Variants in SEC31A observed in about 807,000 individuals in gnomAD.
SEC31A encodes the protein SEC31 homolog A, COPII component, also known as protein transport protein Sec31A.
In SEC31A, 70 loss-of-function variants were observed where a neutral mutation model predicts 151.0. The ratio of observed to expected loss-of-function variants is 0.46; its 90% confidence interval spans 0.38 to 0.57. The LOEUF is 0.57. SEC31A is among the 20% of genes least tolerant of loss of function. The probability of loss-of-function intolerance (pLI) is 0.00; values close to 1 mark genes in which losing one functional copy is unlikely to be tolerated. For missense variants in SEC31A, 1,330 were observed against 1,471.2 expected (o/e 0.90, Z 1.57); for synonymous variants, 475 against 505.9 (o/e 0.94, Z 0.82).
chr4:82,837,371 T>C (rs1727645455), intron 22 of SEC31A, among the ~76,000 whole-genome samples: 1 of 151,796 alleles, frequency 6.6e-6, no homozygotes, highest in African/African-American at 2.4e-5. Flanking sequence ...TTTAAAAACT[T>C]CCTACAGTGA....
intron 1 of SEC31A, among the ~76,000 whole-genome samples, chr4:82,888,729 T>G (rs1472845169): frequency 6.6e-6 from 1 of 152,158 alleles, no homozygotes; most frequent in Non-Finnish European, 1.5e-5. Flanking sequence ...TGAGGAAAAT[T>G]TATATTCTAG....
chr4:82,848,833 T>C lies in SEC31A; in HGVS notation c.2473A>G (p.Arg825Gly). Residue 825 changes from arginine (R) to glycine (G), a missense_variant, in exon 20 of 27, where the codon AGA (arginine) becomes GGA (glycine). Transcript: ENST00000395310. ...GGATAATATTGTTGAGTTTGAACTC[T>C]TGGCATCTGGTGGTGGCCAGCAACT... ...GPVAGHHQMP[R>G]VQTQQYYPHG... 2.5e-6 allele frequency: 4 copies of C among 1,613,954 alleles called. No homozygotes were observed. Among genetic ancestry groups the C allele is most frequent in the African/African-American group, 1.3e-5 (1 of 75,028 alleles).
chr4:82,846,346 T>C (rs1730174180), intron 20 of SEC31A, among the ~76,000 whole-genome samples: 1 of 137,740 alleles, frequency 7.3e-6, no homozygotes, highest in Non-Finnish European at 1.5e-5. Flanking sequence ...GTCAAGTAAA[T>C]CTTTGCAGAA....
chr4:82,862,507 G>A, intron 13 of SEC31A, 27 bp downstream of exon 13: 1 of 1,595,362 alleles, frequency 6.3e-7, no homozygotes, highest in East Asian at 2.2e-5. Flanking sequence ...AGTTTTAGAA[G>A]GTAGCTATTT....
intron 25 of SEC31A, among the ~76,000 whole-genome samples, chr4:82,823,346 C>G (rs1199810738): frequency 6.6e-6 from 1 of 152,182 alleles, no homozygotes; most frequent in Admixed American, 6.5e-5. Flanking sequence ...TAAGGGCTAG[C>G]ATGTATCTGG....
At chr4:82,892,770 A>G (rs1238602069), upstream of SEC31A, among the ~76,000 whole-genome samples, 1 of 152,200 alleles carries the variant, frequency 6.6e-6, no homozygotes, top group East Asian at 1.9e-4. Context: ...TGGACTAAAG[A>G]GCTAGCAGCA....
rs998858412 is a variant in SEC31A, at chr4:82,861,662, C to G, written c.1595G>C (p.Ser532Thr). The change falls in exon 14 of 27, where the codon AGC becomes ACC. Residue 532 changes from serine to threonine, a missense_variant. Transcript: ENST00000395310. ...CAAGAGCTGCTCTTCAGCAGCAGGG[C>G]TCTCCTCCCCATCACTCTGTGCTAC... ...DQVAQSDGEE[S>T]PAAEEQLLGE... The G allele has an allele frequency of 3.1e-6, 5 of 1,611,012 alleles. No individual in the cohort carries two copies. The highest frequency in any genetic ancestry group is 4.2e-6 in the Non-Finnish European group (5 of 1,177,978).
At chr4:82,896,099 A>C (rs138367300), upstream of SEC31A, among the ~76,000 whole-genome samples, 130 of 152,382 alleles carry the variant, frequency 8.5e-4, 1 homozygote, top group Middle Eastern at 3.4e-3. Context: ...GACTTTGTTA[A>C]CCTGCTATAC....
intron 16 of SEC31A, among the ~76,000 whole-genome samples, chr4:82,855,454 G>C (rs1336880315): frequency 6.6e-6 from 1 of 152,206 alleles, no homozygotes; most frequent in Non-Finnish European, 1.5e-5. Context: ...ATGAGTGAGG[G>C]AGGAACTACA....
intron 25 of SEC31A, among the ~76,000 whole-genome samples, chr4:82,822,235 A>T: frequency 6.6e-6 from 1 of 152,204 alleles, no homozygotes; most frequent in Non-Finnish European, 1.5e-5. Flanking sequence ...GTGAGAAAAG[A>T]TACTAAATGA....
At chr4:82,839,079 C>T (rs1283906531) in intron 22 of SEC31A, among the ~76,000 whole-genome samples, 2 of 152,070 alleles carry the variant, frequency 1.3e-5, no homozygotes, top group African/African-American at 4.8e-5. Flanking sequence ...GGAGTTCAAG[C>T]GATTCTCCTG....
chr4:82,888,386 A>ATATATATATATATGCGTATATATACGCG (rs1553938450), intron 1 of SEC31A, among the ~76,000 whole-genome samples: 6 of 39,358 alleles, frequency 1.5e-4, no homozygotes, highest in East Asian at 1.0e-3. Context: ...CACAAAAAAC[A>ATATATATATATATGCGTATATATACGCG]TATATATATA....
chr4:82,888,385 CAT>C (rs773097915), intron 1 of SEC31A, among the ~76,000 whole-genome samples: 1 of 122,438 alleles, frequency 8.2e-6, no homozygotes. Context: ...ACACAAAAAA[CAT>C]ATATATATAT....
At chr4:82,846,698 C>T (rs1730296516) in intron 20 of SEC31A, among the ~76,000 whole-genome samples, 1 of 121,514 alleles carries the variant, frequency 8.2e-6, no homozygotes, top group Non-Finnish European at 2.0e-5. Flanking sequence ...TTTTTTCTAG[C>T]TTACTTCATT....
At chr4:82,828,861 T>C in intron 23 of SEC31A, 139 bp downstream of exon 23, 2 of 580,376 alleles carry the variant, frequency 3.4e-6, no homozygotes, top group Non-Finnish European at 6.3e-6. Context: ...GATTAGAAGG[T>C]GCATGTTGAA....
chr4:82,835,310 G>A (rs10021415), intron 22 of SEC31A, among the ~76,000 whole-genome samples: 68,963 of 151,930 alleles, frequency 0.45, 18,226 homozygotes, highest in Admixed American at 0.6. Context: ...CTTGGTCAAC[G>A]CTTAAAAAAA....
intron 19 of SEC31A, among the ~76,000 whole-genome samples, chr4:82,850,153 G>C (rs1346577327): frequency 6.6e-6 from 1 of 151,708 alleles, no homozygotes; most frequent in East Asian, 1.9e-4. Flanking sequence ...ATAGAAAATG[G>C]ATGTGCTTAT....
intron 20 of SEC31A, among the ~76,000 whole-genome samples, chr4:82,846,193 C>T (rs946356270): frequency 3.3e-5 from 5 of 151,532 alleles, no homozygotes; most frequent in South Asian, 4.2e-4. Flanking sequence ...TTAGTAGAGA[C>T]GGGGTTTCAC....
intron 23 of SEC31A, among the ~76,000 whole-genome samples, chr4:82,827,945 C>A (rs548859635): frequency 6.6e-6 from 1 of 151,538 alleles, no homozygotes; most frequent in African/African-American, 2.4e-5. Flanking sequence ...GATAGAGTCC[C>A]GCTCTGTCGC....
Sources: gnomAD v4.1 joint callset for allele counts (sites outside exome capture counted in the v4.1 genomes callset) on GRCh38, gnomAD v4.1.1 for gene constraint, MANE v1.5 for transcripts, NCBI Gene and HGNC (gene_info 2026-07-23, HGNC 2026-07-21) for gene names.